The following ZNF385D variants were observed in gnomAD, a reference collection of about 807,000 sequenced individuals.
The protein encoded by ZNF385D is zinc finger protein 659.
In ZNF385D, 15 loss-of-function variants were observed where a neutral mutation model predicts 35.8. That is an observed-to-expected ratio of 0.42 (90% CI 0.28 to 0.64). The LOEUF (loss-of-function observed/expected upper bound fraction) is 0.64. Among genes scored for constraint, ZNF385D ranks in the 30% least tolerant of loss-of-function variants. The pLI is 0.23. For synonymous variants in ZNF385D, 212 were observed against 186.8 expected (o/e 1.13, Z -1.10); for missense variants, 474 against 494.6 (o/e 0.96, Z 0.39).
chr3:22,232,158 C>G (rs9846052), intron 2 of ZNF385D, among the ~76,000 whole-genome samples: 71,175 of 151,976 alleles, frequency 0.47, 20,122 homozygotes, highest in African/African-American at 0.8. Flanking sequence ...CACTTTCTTG[C>G]GCTCATATTG....
At chr3:21,487,294 G>GT (rs1277004059) in intron 4 of ZNF385D, among the ~76,000 whole-genome samples, 2 of 112,394 alleles carry the variant, frequency 1.8e-5, no homozygotes, top group East Asian at 3.3e-4. Context: ...CATTGTAGTG[G>GT]GTTTTTTTTC....
At position 21,683,616 on chromosome 3, in the gene ZNF385D, C is replaced by CA. The variant is rs1000974863; in HGVS notation, c.23-18589dup. ...TGGGTGAGAGAGTGAGACTCCATCT[C>CA]AAAAAAAAAAGAGATTGTTCATGTG... On this transcript the variant is annotated intron_variant, in intron 1 of 7. Coordinates refer to ENST00000281523, the MANE Select transcript of ZNF385D (RefSeq NM_024697.3). Among the ~76,000 whole-genome samples the CA allele has an allele frequency of 6.3e-3, 898 of 142,686 alleles. 45 individuals carry two copies. Among genetic ancestry groups the CA allele is most frequent in the African/African-American group, 0.021 (819 of 38,780 alleles). The allele number at this position is 142,686 out of a possible 152,430, so 93.6% of individuals were successfully genotyped here.
At chr3:21,769,223 G>T (rs1234453637) in intron 3 of ZNF385D, among the ~76,000 whole-genome samples, 1 of 151,928 alleles carries the variant, frequency 6.6e-6, no homozygotes, top group Non-Finnish European at 1.5e-5. Context: ...GGTGTTGGAA[G>T]TTCTGGCCAG....
intron 3 of ZNF385D, among the ~76,000 whole-genome samples, chr3:21,980,518 G>A (rs1324309337): frequency 1.3e-5 from 2 of 152,154 alleles, no homozygotes; most frequent in African/African-American, 2.4e-5. Flanking sequence ...TGAACCACAT[G>A]AAATTGCTGA....
In ZNF385D at chr3:21,562,746, CTATA is replaced by C. The variant is rs878885679; in HGVS notation, c.276+1824_276+1827del. Among the ~76,000 whole-genome samples, 240 of 152,164 alleles carry C rather than the reference CTATA, an allele frequency of 1.6e-3. 4 individuals carry two copies. Among genetic ancestry groups the C allele is most frequent in the Admixed American group, 0.014 (220 of 15,278 alleles). ...GCCACTTAAAATAATAATTATAAAA[CTATA>C]TAATTGTTTGCTGAGTGTTTAAAAA... On this transcript the variant is annotated intron_variant, in intron 3 of 7. Transcript: ENST00000281523.
chr3:21,867,671 C>T (rs1278290158), intron 3 of ZNF385D, among the ~76,000 whole-genome samples: 3 of 151,768 alleles, frequency 2.0e-5, no homozygotes, highest in Non-Finnish European at 2.9e-5. Context: ...AATGATTTGC[C>T]ATTTTATTAG....
At chr3:21,706,712 G>A (rs2067911928) in intron 1 of ZNF385D, among the ~76,000 whole-genome samples, 1 of 152,086 alleles carries the variant, frequency 6.6e-6, no homozygotes, top group Admixed American at 6.5e-5. Context: ...TACTTTGCAT[G>A]CACCATGTAC....
intron 3 of ZNF385D, among the ~76,000 whole-genome samples, chr3:21,758,537 T>C (rs1338641704): frequency 2.0e-5 from 3 of 152,078 alleles, no homozygotes; most frequent in African/African-American, 7.2e-5. Context: ...ATGGAGCAGG[T>C]GAGGAACCTA....
rs1464959196 is a variant in ZNF385D, at chr3:21,538,974, T to C, written c.276+25600A>G. On this transcript the variant is annotated intron_variant, in intron 3 of 7. Coordinates refer to ENST00000281523, the MANE Select transcript of ZNF385D (RefSeq NM_024697.3). ...AAGTTTAAAAGTTCTGTTTCATGTA[T>C]AAAAAACCATACTGTGGGCTAAAAT... Among the ~76,000 whole-genome samples, 6 of 152,096 alleles carry C rather than the reference T, an allele frequency of 3.9e-5. No homozygotes were observed. In the East Asian group the frequency reaches 9.6e-4, roughly 24 times the overall value.
At chr3:22,299,460 A>G (rs879491199) in intron 2 of ZNF385D, among the ~76,000 whole-genome samples, 2 of 151,810 alleles carry the variant, frequency 1.3e-5, no homozygotes, top group Non-Finnish European at 2.9e-5. Flanking sequence ...ACAAATCATA[A>G]TTTGAAAAAA....
Position 21,750,894 on chromosome 3 carries a change from C to A in ZNF385D, c.22+1G>T. 1 of 1,614,172 alleles carries A rather than the reference C, an allele frequency of 6.2e-7. No individual in the cohort carries two copies. The highest frequency in any genetic ancestry group is 1.1e-5 in the South Asian group (1 of 91,082). On this transcript the variant is annotated splice_donor_variant, in intron 1 of 7. Coordinates refer to ENST00000281523, the MANE Select transcript of ZNF385D (RefSeq NM_024697.3). LOFTEE classifies it high-confidence loss of function. ...ATTACATCATCAGAGTGAACACTCA[C>A]CAAAATACATTATGTTTCTCATTAA...
chr3:22,245,958 T>A (rs1699754914), intron 2 of ZNF385D, among the ~76,000 whole-genome samples: 1 of 152,060 alleles, frequency 6.6e-6, no homozygotes, highest in Non-Finnish European at 1.5e-5. Context: ...CTGAGCTCCT[T>A]ATGAAAAGAG....
At chr3:21,627,701 G>T (rs750598529) in intron 2 of ZNF385D, among the ~76,000 whole-genome samples, 1 of 152,062 alleles carries the variant, frequency 6.6e-6, no homozygotes, top group Non-Finnish European at 1.5e-5. Flanking sequence ...ATGTCTACAT[G>T]ATTTTCCCAT....
chr3:22,160,798 A>G (rs1705901282), intron 3 of ZNF385D, among the ~76,000 whole-genome samples: 1 of 152,146 alleles, frequency 6.6e-6, no homozygotes, highest in South Asian at 2.1e-4. Flanking sequence ...AAATTAACCC[A>G]AATATGACAA....
At chr3:21,934,487 C>G (rs73820442) in intron 3 of ZNF385D, among the ~76,000 whole-genome samples, 182 of 152,198 alleles carry the variant, frequency 1.2e-3, no homozygotes, top group African/African-American at 4.0e-3. Context: ...ATAATTACAC[C>G]GTTAAATATT....
chr3:21,538,505 A>G (rs571165171), intron 3 of ZNF385D, among the ~76,000 whole-genome samples: 11 of 152,262 alleles, frequency 7.2e-5, no homozygotes, highest in African/African-American at 2.6e-4. Flanking sequence ...TTCTGTACAT[A>G]AAATAACTTC....
intron 4 of ZNF385D, among the ~76,000 whole-genome samples, chr3:21,471,295 TCACACACACACACACACA>T (rs151185506): frequency 1.1e-3 from 96 of 86,282 alleles, no homozygotes; most frequent in African/African-American, 4.0e-3. Flanking sequence ...TCTCTCTCTC[TCACACACACACACACACA>T]CACACACACA....
intron 2 of ZNF385D, among the ~76,000 whole-genome samples, chr3:22,246,651 A>G (rs138117810): frequency 0.011 from 1,729 of 152,274 alleles, 22 homozygotes; most frequent in Non-Finnish European, 0.018. Flanking sequence ...ACAAAAAGAA[A>G]GCCTTAAGTG....
intron 2 of ZNF385D, among the ~76,000 whole-genome samples, chr3:21,597,335 CAA>C (rs986949255): frequency 6.6e-6 from 1 of 150,808 alleles, no homozygotes; most frequent in African/African-American, 2.5e-5. Flanking sequence ...CAACTATTTT[CAA>C]CGTATGTTAA....
Sources: allele counts gnomAD v4.1 joint callset (sites outside exome capture counted in the v4.1 genomes callset), GRCh38; gene constraint gnomAD v4.1.1; transcripts MANE v1.5; gene names NCBI Gene and HGNC (gene_info 2026-07-23, HGNC 2026-07-21).